SEMA3D: variants seen among roughly 807,000 people sequenced by gnomAD.
SEMA3D encodes semaphorin-3D.
SEMA3D carries 84 observed loss-of-function variants against 100.1 expected under a neutral mutation model. The observed-to-expected ratio is 0.84, with a 90% CI of 0.70 to 1.01. The LOEUF is 1.01. Ranked by LOEUF, SEMA3D falls within the 50% of genes least tolerant of loss-of-function variation. SEMA3D has a pLI of 0.00. For missense variants in SEMA3D, 875 were observed against 934.1 expected (o/e 0.94, Z 0.82); for synonymous variants, 312 against 320.7 (o/e 0.97, Z 0.29).
rs1329882689 is a variant in SEMA3D, at chr7:85,065,477, G to T, written c.665C>A (p.Thr222Asn). ...DTAFTRSLGP[T>N]HDHHYIRTDI... Reference sequence around the variant, plus strand: ...AGTTCTGATGTAGTGGTGGTCATGAGTAGGCCCAAGGGATCGAGTGAATGC... The same window carrying T: ...AGTTCTGATGTAGTGGTGGTCATGATTAGGCCCAAGGGATCGAGTGAATGC... The change falls in exon 8 of 19, where the codon ACT becomes AAT. Residue 222 changes from threonine (T) to asparagine (N), a missense_variant. Transcript: ENST00000284136. 1 of 1,612,966 alleles carries T rather than the reference G, an allele frequency of 6.2e-7. No homozygotes were observed. Among genetic ancestry groups the T allele is most frequent in the African/African-American group, 1.3e-5 (1 of 74,860 alleles).
upstream of SEMA3D, among the ~76,000 whole-genome samples, chr7:85,189,734 T>C (rs1013626039): frequency 1.3e-5 from 2 of 152,208 alleles, no homozygotes; most frequent in African/African-American, 2.4e-5. Flanking sequence ...AAATAAATTG[T>C]GTGCCTTGAG....
chr7:85,044,003 TATA>T (rs1167977277), intron 9 of SEMA3D, among the ~76,000 whole-genome samples: 1 of 152,064 alleles, frequency 6.6e-6, no homozygotes, highest in Non-Finnish European at 1.5e-5. Flanking sequence ...CTGCTGTGCT[TATA>T]ATAAGACTAA....
At chr7:85,033,596 TTTG>T (rs1238532132) in intron 12 of SEMA3D, among the ~76,000 whole-genome samples, 1 of 152,142 alleles carries the variant, frequency 6.6e-6, no homozygotes, top group Non-Finnish European at 1.5e-5. Context: ...ATGCAAATAA[TTTG>T]TTGTTGTTGT....
chr7:85,230,494 C>T, the SEMA3D span, among the ~76,000 whole-genome samples: 1 of 152,170 alleles, frequency 6.6e-6, no homozygotes, highest in African/African-American at 2.4e-5. Flanking sequence ...CTCACCCTCA[C>T]TAAAACAGTC....
the SEMA3D span, among the ~76,000 whole-genome samples, chr7:85,194,615 A>G: frequency 1.3e-5 from 2 of 152,178 alleles, no homozygotes; most frequent in Admixed American, 6.5e-5. Flanking sequence ...CTTTCTCCCA[A>G]TGGTAGCATT....
At chr7:85,140,541 C>T (rs2116459966) in intron 2 of SEMA3D, 3 of 983,390 alleles carry the variant, frequency 3.1e-6, no homozygotes, top group Non-Finnish European at 3.6e-6. Context: ...AACATCAGCA[C>T]AAATTTCTGT....
chr7:85,222,423 G>C, the SEMA3D span, among the ~76,000 whole-genome samples: 2 of 151,980 alleles, frequency 1.3e-5, no homozygotes, highest in African/African-American at 2.4e-5. Flanking sequence ...ATATATTTGT[G>C]TATGTACGTA....
At position 85,055,762 on chromosome 7, in the gene SEMA3D, A is replaced by T; in HGVS notation, c.816T>A (p.Ser272Arg). Residue 272 changes from serine to arginine, a missense_variant, in exon 9 of 19, where the codon AGT (serine) becomes AGA (arginine). Transcript: ENST00000284136. ...GAGAAAGGATGGTTTTATCGGAGGT[A>T]CTGCCTTCTTGAGATGATTCACGAA... ...FFFRESSQEG[S>R]TSDKTILSRV... The T allele has an allele frequency of 6.4e-7, 1 of 1,566,008 alleles. No homozygotes were observed. Among genetic ancestry groups the T allele is most frequent in the Non-Finnish European group, 8.7e-7 (1 of 1,143,352 alleles).
At chr7:85,075,158 A>G (rs1179630146) in intron 5 of SEMA3D, among the ~76,000 whole-genome samples, 2 of 152,148 alleles carry the variant, frequency 1.3e-5, no homozygotes, top group African/African-American at 4.8e-5. Flanking sequence ...GGCAGGGAAG[A>G]GTAAAATCAT....
chr7:85,022,694 A>C (rs1229079843), intron 12 of SEMA3D, 81 bp from the exon 13 acceptor site: 6 of 857,240 alleles, frequency 7.0e-6, no homozygotes, highest in Non-Finnish European at 9.9e-6. Context: ...AAATTTGTAT[A>C]GCTTATCATC....
Position 85,022,550 on chromosome 7 carries a change from TG to T in SEMA3D, c.1254del (p.Ser419ValfsTer3). On this transcript the variant is annotated frameshift_variant, in exon 13 of 19. Transcript: ENST00000284136. LOFTEE classifies it high-confidence loss of function. ...KSTRDFPDDV[I>X]SFIKRHSVMY... ...ATCACAGAGTGCCGCTTTATGAAACTGATGACATCATCTGGAAAATCTCGGG... is the reference window on the plus strand; with the variant it reads ...ATCACAGAGTGCCGCTTTATGAAACTATGACATCATCTGGAAAATCTCGGG... 1 of 1,612,608 alleles carries T rather than the reference TG, an allele frequency of 6.2e-7. No homozygotes were observed. Among genetic ancestry groups the T allele is most frequent in the Non-Finnish European group, 8.5e-7 (1 of 1,179,012 alleles).
At chr7:85,156,521 T>A (rs1392374571) in intron 1 of SEMA3D, among the ~76,000 whole-genome samples, 1 of 152,180 alleles carries the variant, frequency 6.6e-6, no homozygotes, top group African/African-American at 2.4e-5. Context: ...GTTATAAAAA[T>A]CACATTTCAG....
intron 12 of SEMA3D, chr7:85,027,859 T>C: frequency 1.8e-6 from 1 of 551,150 alleles, no homozygotes; most frequent in Non-Finnish European, 3.6e-6. Context: ...GGTATTGATC[T>C]TGGCACCACC....
intron 12 of SEMA3D, chr7:85,027,821 A>G: frequency 2.0e-6 from 1 of 497,606 alleles, no homozygotes; most frequent in Non-Finnish European, 3.9e-6. Flanking sequence ...CATGCACACA[A>G]ACATCTGTGT....
At chr7:85,118,328 T>C (rs752388683) in intron 3 of SEMA3D, among the ~76,000 whole-genome samples, 2 of 152,082 alleles carry the variant, frequency 1.3e-5, no homozygotes, top group Non-Finnish European at 2.9e-5. Context: ...TGTGAACATC[T>C]GCATCACTTC....
intron 18 of SEMA3D, among the ~76,000 whole-genome samples, chr7:85,004,656 G>T (rs889396786): frequency 1.5e-4 from 23 of 152,100 alleles, no homozygotes; most frequent in African/African-American, 5.3e-4. Context: ...GGTCCCTCCC[G>T]CAGGCTGTTT....
At chr7:85,100,442 C>A (rs955885998) in intron 3 of SEMA3D, among the ~76,000 whole-genome samples, 1 of 151,262 alleles carries the variant, frequency 6.6e-6, no homozygotes. Context: ...ACGATATTAT[C>A]TTATTTTTTA....
At chr7:85,184,025 T>A (rs543199726) in intron 1 of SEMA3D, among the ~76,000 whole-genome samples, 1 of 152,290 alleles carries the variant, frequency 6.6e-6, no homozygotes, top group Admixed American at 6.5e-5. Context: ...AAACTAATAA[T>A]TCCTACAAAG....
intron 1 of SEMA3D, among the ~76,000 whole-genome samples, chr7:85,155,116 C>A (rs1253092740): frequency 6.6e-6 from 1 of 151,968 alleles, no homozygotes; most frequent in Non-Finnish European, 1.5e-5. Context: ...AGCATCTGTA[C>A]ACCCACACCT....
Sources: gnomAD v4.1 joint callset for allele counts (sites outside exome capture counted in the v4.1 genomes callset) on GRCh38, gnomAD v4.1.1 for gene constraint, MANE v1.5 for transcripts, NCBI Gene and HGNC (gene_info 2026-07-23, HGNC 2026-07-21) for gene names.